RUFY4: variants seen among roughly 807,000 people sequenced by gnomAD.
RUFY4 encodes the protein RUN and FYVE domain-containing protein 4.
A neutral mutation model predicts 69.0 loss-of-function variants in RUFY4; 73 were observed. The ratio of observed to expected loss-of-function variants is 1.06; its 90% CI spans 0.88 to 1.29. The LOEUF (loss-of-function observed/expected upper bound fraction) is 1.29. RUFY4 is among the 50% of genes most tolerant of loss of function. The pLI, the probability that RUFY4 is intolerant of heterozygous loss-of-function variation, is 0.00. For missense variants in RUFY4, 770 were observed against 705.6 expected (o/e 1.09, Z -1.03); for synonymous variants, 287 against 271.8 (o/e 1.06, Z -0.55).
At chr2:218,070,080 T>TACCC (rs1689447622), upstream of RUFY4, among the ~76,000 whole-genome samples, 1 of 152,038 alleles carries the variant, frequency 6.6e-6, no homozygotes, top group Non-Finnish European at 1.5e-5. Flanking sequence ...GGAGACTGAG[T>TACCC]ACCCAGGCAA....
chr2:218,075,033 T>C, intron 6 of RUFY4, 60 bp from the exon 9 acceptor site: 2 of 1,441,026 alleles, frequency 1.4e-6, no homozygotes, highest in Non-Finnish European at 1.8e-6. Flanking sequence ...CCTAATCTAA[T>C]GGCACCAGGT....
At chr2:218,067,315 G>C (rs1324552044), upstream of RUFY4, among the ~76,000 whole-genome samples, 1 of 152,232 alleles carries the variant, frequency 6.6e-6, no homozygotes, top group African/African-American at 2.4e-5. Flanking sequence ...CTCCAGGAGA[G>C]CCAGGAGAGG....
chr2:218,051,568 T>TAAAAAAAAA (rs35465389), intron 2 of RUFY4, among the ~76,000 whole-genome samples: 1 of 114,890 alleles, frequency 8.7e-6, no homozygotes, highest in African/African-American at 3.8e-5. Flanking sequence ...TCCAATATTT[T>TAAAAAAAAA]AAAAAAAAAA....
At chr2:218,079,423 T>C (rs1004973831) in intron 8 of RUFY4, among the ~76,000 whole-genome samples, 1 of 152,192 alleles carries the variant, frequency 6.6e-6, no homozygotes, top group African/African-American at 2.4e-5. Context: ...GCTGGAAAGC[T>C]AGAGTCACCA....
At chr2:218,089,511 G>T (rs749988013) in intron 10 of RUFY4, 149 bp downstream of exon 12, 3 of 666,618 alleles carry the variant, frequency 4.5e-6, no homozygotes, top group Non-Finnish European at 8.0e-6. Context: ...ACCACATCTG[G>T]CTTCCAACAC....
chr2:218,044,436 T>G (rs1249639819), intron 2 of RUFY4, among the ~76,000 whole-genome samples: 1 of 152,264 alleles, frequency 6.6e-6, no homozygotes, highest in African/African-American at 2.4e-5. Context: ...ACATTTTTTT[T>G]ATGTTAACTT....
exon 11 of RUFY4, chr2:218,090,175 A>G: frequency 1.9e-6 from 1 of 527,308 alleles, no homozygotes; most frequent in Non-Finnish European, 3.5e-6. Flanking sequence ...TAGACACTGA[A>G]GATCTAAGGC....
At chr2:218,055,011 C>G (rs779636442) in intron 2 of RUFY4, among the ~76,000 whole-genome samples, 1 of 152,152 alleles carries the variant, frequency 6.6e-6, no homozygotes, top group Non-Finnish European at 1.5e-5. Context: ...ATGAAGTTAT[C>G]ATATTTTAAC....
At chr2:218,050,009 G>T (rs1289071055) in intron 2 of RUFY4, among the ~76,000 whole-genome samples, 1 of 152,138 alleles carries the variant, frequency 6.6e-6, no homozygotes, top group Non-Finnish European at 1.5e-5. Context: ...GCTAGTTCTA[G>T]ATAGAGTCCA....
upstream of RUFY4, chr2:218,068,645 C>T (rs1276377861): frequency 6.5e-6 from 1 of 153,164 alleles, no homozygotes; most frequent in Non-Finnish European, 1.5e-5. Flanking sequence ...TGGAAAGACC[C>T]CAGCCTCAAG....
At chr2:218,063,266 C>A (rs968520203) in intron 3 of RUFY4, among the ~76,000 whole-genome samples, 1 of 152,142 alleles carries the variant, frequency 6.6e-6, no homozygotes, top group African/African-American at 2.4e-5. Context: ...AAGTCCATAA[C>A]CTACCCCCAA....
At chr2:218,045,720 C>T (rs958989339) in intron 2 of RUFY4, among the ~76,000 whole-genome samples, 2 of 152,114 alleles carry the variant, frequency 1.3e-5, no homozygotes, top group South Asian at 2.1e-4. Flanking sequence ...TATCAGACAC[C>T]TGTACTTACC....
intron 2 of RUFY4, among the ~76,000 whole-genome samples, chr2:218,042,273 A>G (rs576842942): frequency 1.3e-5 from 2 of 152,366 alleles, no homozygotes; most frequent in South Asian, 4.1e-4. Flanking sequence ...GTGCCTGATT[A>G]AAAAGAAAAC....
At chr2:218,060,690 C>T (rs1311845309) in intron 3 of RUFY4, 1 of 1,332,772 alleles carries the variant, frequency 7.5e-7, no homozygotes, top group Admixed American at 1.7e-5. Context: ...AGTGCTTCTG[C>T]CCCATATGGG....
rs188893895 is a variant in RUFY4 at position 218,057,702 on chromosome 2, C to T, written c.-1157-893C>T. Reference sequence around the variant, plus strand: ...TTATAATCAATCTGTGTTCCCAACCCCAGGCCCAGGCAACCAGTCATCTGT... The same window carrying T: ...TTATAATCAATCTGTGTTCCCAACCTCAGGCCCAGGCAACCAGTCATCTGT... On this transcript the variant is annotated intron_variant and NMD_transcript_variant, in intron 2 of 13. Coordinates refer to the RUFY4 transcript ENST00000457754. Among the ~76,000 whole-genome samples, 470 of 152,318 alleles carry T rather than the reference C, an allele frequency of 3.1e-3. 1 individual carries two copies. The highest frequency in any genetic ancestry group is 6.1e-3 in the Admixed American group (94 of 15,300).
intron 2 of RUFY4, among the ~76,000 whole-genome samples, chr2:218,054,616 A>G (rs1689018891): frequency 6.6e-6 from 1 of 152,142 alleles, no homozygotes. Context: ...CTCTAACGAG[A>G]AGAACTGATA....
At chr2:218,079,288 C>G (rs1329384163) in intron 8 of RUFY4, among the ~76,000 whole-genome samples, 2 of 152,166 alleles carry the variant, frequency 1.3e-5, no homozygotes, top group Non-Finnish European at 1.5e-5. Context: ...GGGCTGGCAG[C>G]ATGGAGCAAG....
In RUFY4 at chr2:218,073,309, CTA is replaced by C. The variant is rs762752408; in HGVS notation, c.455_456del (p.Tyr152CysfsTer57). 4 of 1,564,458 alleles carry C rather than the reference CTA, an allele frequency of 2.6e-6. No individual in the cohort carries two copies. The East Asian group carries it at 9.5e-5, about 37-fold the overall frequency. ...GCCAAGAAGACATCCTGGACTCTCTCTATGCTCTCAATGGGGTGGCCTTCGAG... is the reference window on the plus strand; with the variant it reads ...GCCAAGAAGACATCCTGGACTCTCTCTGCTCTCAATGGGGTGGCCTTCGAG... On this transcript the variant is annotated frameshift_variant, in exon 5 of 11. Transcript: ENST00000344321. LOFTEE classifies it high-confidence loss of function.
At chr2:218,068,224 G>A (rs944729455), upstream of RUFY4, among the ~76,000 whole-genome samples, 1,784 of 88,594 alleles carry the variant, frequency 0.02, no homozygotes, top group South Asian at 0.036. Context: ...ATGGCAGGGG[G>A]TTAGAGGAGG....
Sources: gnomAD v4.1 joint callset for allele counts (sites outside exome capture counted in the v4.1 genomes callset) on GRCh38, gnomAD v4.1.1 for gene constraint, MANE v1.5 for transcripts, NCBI Gene and HGNC (gene_info 2026-07-23, HGNC 2026-07-21) for gene names.